HMGA2: variants seen among roughly 807,000 people sequenced by gnomAD.
HMGA2 encodes high mobility group AT-hook 2.
A neutral mutation model predicts 19.1 loss-of-function variants in HMGA2; 8 were observed. The observed-to-expected ratio is 0.42, with a 90% confidence interval of 0.25 to 0.76. The LOEUF is 0.76. HMGA2 is among the 30% of genes least tolerant of loss of function. The probability of loss-of-function intolerance (pLI) is 0.28; values close to 1 mark genes in which losing one functional copy is unlikely to be tolerated. For synonymous variants in HMGA2, 60 were observed against 48.8 expected (o/e 1.23, Z -0.96); for missense variants, 109 against 136.3 (o/e 0.80, Z 1.00).
chr12:65,868,199 G>A (rs1872529797), intron 3 of HMGA2, among the ~76,000 whole-genome samples: 1 of 152,150 alleles, frequency 6.6e-6, no homozygotes, highest in Admixed American at 6.5e-5. Context: ...ACATCTCAAG[G>A]GGAAACTAGT....
At chr12:65,903,551 G>C (rs548327887) in intron 3 of HMGA2, among the ~76,000 whole-genome samples, 47 of 152,288 alleles carry the variant, frequency 3.1e-4, no homozygotes, top group African/African-American at 1.0e-3. Context: ...GGAGGTGGGG[G>C]CAGAGCAAGG....
chr12:65,863,123 A>C (rs1052486301), intron 3 of HMGA2, among the ~76,000 whole-genome samples: 5 of 152,238 alleles, frequency 3.3e-5, no homozygotes, highest in African/African-American at 1.2e-4. Flanking sequence ...TCAGCACTTA[A>C]GTAGAGCTGG....
intron 2 of HMGA2, chr12:65,828,995 G>A (rs1425984001): frequency 6.6e-6 from 1 of 152,100 alleles, no homozygotes; most frequent in Non-Finnish European, 1.5e-5. Flanking sequence ...TGTATTTGTA[G>A]GTTTGTGTAG....
chr12:65,917,454 C>G (rs530434420), intron 3 of HMGA2, among the ~76,000 whole-genome samples: 2 of 152,290 alleles, frequency 1.3e-5, no homozygotes, highest in Non-Finnish European at 2.9e-5. Context: ...TCCATGCTCT[C>G]TAGCACAGAG....
intron 4 of HMGA2, chr12:65,957,866 C>T (rs1250933754): frequency 6.6e-6 from 1 of 152,230 alleles, no homozygotes; most frequent in Non-Finnish European, 1.5e-5. Flanking sequence ...TTTTACTTTC[C>T]TCTGGGGACC....
chr12:65,874,002 T>C (rs941119710), intron 3 of HMGA2: 4 of 152,224 alleles, frequency 2.6e-5, no homozygotes, highest in African/African-American at 9.6e-5. Flanking sequence ...TATCTCTCTA[T>C]AGCCTACTAT....
chr12:65,868,163 A>G (rs1050796195), intron 3 of HMGA2, among the ~76,000 whole-genome samples: 2 of 152,204 alleles, frequency 1.3e-5, no homozygotes, highest in African/African-American at 2.4e-5. Flanking sequence ...ATGCCACTGG[A>G]AATGTAAGGA....
chr12:65,913,234 G>C (rs192266958), intron 3 of HMGA2, among the ~76,000 whole-genome samples: 1 of 151,852 alleles, frequency 6.6e-6, no homozygotes, highest in Non-Finnish European at 1.5e-5. Flanking sequence ...ACCATTCTGC[G>C]GCAGTTTGCC....
chr12:65,898,695 A>G (rs531006542), intron 3 of HMGA2, among the ~76,000 whole-genome samples: 2 of 152,236 alleles, frequency 1.3e-5, no homozygotes, highest in South Asian at 4.1e-4. Context: ...CATGATTCAC[A>G]TTATCCTTAA....
At chr12:65,885,646 C>G (rs1453928831) in intron 3 of HMGA2, among the ~76,000 whole-genome samples, 2 of 152,190 alleles carry the variant, frequency 1.3e-5, no homozygotes. Context: ...TTGGTGGCAG[C>G]AGGATCGCTC....
At chr12:65,914,692 G>C in intron 3 of HMGA2, 1 of 289,972 alleles carries the variant, frequency 3.4e-6, no homozygotes, top group South Asian at 4.1e-5. Flanking sequence ...TGTTGTTTTT[G>C]AGACGGAGTC....
chr12:65,870,867 G>A (rs188427578), intron 3 of HMGA2, among the ~76,000 whole-genome samples: 13 of 152,310 alleles, frequency 8.5e-5, no homozygotes, highest in Non-Finnish European at 1.9e-4. Context: ...GGATTGGATA[G>A]TGTACATTAG....
At chr12:65,918,674 A>T (rs191926434) in intron 3 of HMGA2, among the ~76,000 whole-genome samples, 3 of 152,242 alleles carry the variant, frequency 2.0e-5, no homozygotes, top group African/African-American at 7.2e-5. Flanking sequence ...GGTAAAGATC[A>T]AGATGAATGG....
At chr12:65,933,461 T>G (rs1054168745) in intron 3 of HMGA2, among the ~76,000 whole-genome samples, 3 of 152,222 alleles carry the variant, frequency 2.0e-5, no homozygotes, top group Non-Finnish European at 4.4e-5. Context: ...CTTTAATTTA[T>G]CCTGTGTAAA....
intron 3 of HMGA2, among the ~76,000 whole-genome samples, chr12:65,925,200 A>G (rs1414482942): frequency 3.3e-5 from 5 of 152,198 alleles, no homozygotes; most frequent in Non-Finnish European, 7.3e-5. Context: ...TAAAGTAAAG[A>G]TGCTACATTT....
intron 3 of HMGA2, among the ~76,000 whole-genome samples, chr12:65,855,369 G>A (rs899565049): frequency 1.3e-5 from 2 of 151,506 alleles, no homozygotes; most frequent in African/African-American, 4.9e-5. Flanking sequence ...TAATGTTTAG[G>A]TTCCCCAAAT....
At chr12:65,833,989 T>C (rs1870590966) in intron 2 of HMGA2, among the ~76,000 whole-genome samples, 1 of 152,186 alleles carries the variant, frequency 6.6e-6, no homozygotes, top group African/African-American at 2.4e-5. Flanking sequence ...ACTTTATATA[T>C]ATGTTAGCTC....
intron 2 of HMGA2, among the ~76,000 whole-genome samples, chr12:65,831,298 T>A (rs537343463): frequency 3.3e-5 from 5 of 151,976 alleles, no homozygotes; most frequent in South Asian, 4.1e-4. Context: ...TGTACTTTTT[T>A]AATCATGACA....
At chr12:65,914,710 T>G in intron 3 of HMGA2, 1 of 299,944 alleles carries the variant, frequency 3.3e-6, no homozygotes, top group Non-Finnish European at 6.5e-6. Flanking sequence ...GTCTTGTTTT[T>G]GTTGCTCAGG....
Sources: allele counts gnomAD v4.1 joint callset (sites outside exome capture counted in the v4.1 genomes callset), GRCh38; gene constraint gnomAD v4.1.1; transcripts MANE v1.5; gene names NCBI Gene and HGNC (gene_info 2026-07-23, HGNC 2026-07-21).